Variants in PHEX observed in about 807,000 individuals in gnomAD.
PHEX encodes phosphate regulating endopeptidase X-linked.
Under a neutral mutation model 68.0 loss-of-function variants are expected in PHEX, and 16 were observed. That is an observed-to-expected ratio of 0.24 (90% CI 0.16 to 0.36). PHEX has a LOEUF of 0.36. PHEX is among the 10% of genes least tolerant of loss of function. The probability of loss-of-function intolerance (pLI) is 1.00; values close to 1 mark genes in which losing one functional copy is unlikely to be tolerated. For missense variants in PHEX, 480 were observed against 575.5 expected (o/e 0.83, Z 1.70); for synonymous variants, 208 against 205.1 (o/e 1.01, Z -0.12).
intron 12 of PHEX, among the ~76,000 whole-genome samples, chrX:22,152,712 G>T (rs764341734): frequency 1.8e-5 from 2 of 111,942 alleles, no homozygotes; most frequent in Non-Finnish European, 3.8e-5. Context: ...CAGGATAGCG[G>T]TTCTTTTGAA....
At chrX:22,073,670 C>T (rs1371181600) in intron 3 of PHEX, among the ~76,000 whole-genome samples, 2 of 66,588 alleles carry the variant, frequency 3.0e-5, no homozygotes, top group East Asian at 5.5e-4. Context: ...TTTGGAAACA[C>T]ACTTTGTCGC....
intron 13 of PHEX, among the ~76,000 whole-genome samples, chrX:22,178,060 A>G (rs923861492): frequency 1.8e-5 from 2 of 112,329 alleles, no homozygotes; most frequent in African/African-American, 6.5e-5. Context: ...TGATCCAGAA[A>G]TGACTATATT....
chrX:22,142,497 C>T (rs150913895), intron 12 of PHEX, among the ~76,000 whole-genome samples: 260 of 111,980 alleles, frequency 2.3e-3, no homozygotes, highest in Non-Finnish European at 3.9e-3. Context: ...GTTTCTATGT[C>T]GTTCATAACT....
At chrX:22,197,208 G>C (rs1036328582) in intron 15 of PHEX, among the ~76,000 whole-genome samples, 2 of 111,117 alleles carry the variant, frequency 1.8e-5, no homozygotes, top group African/African-American at 6.6e-5. Flanking sequence ...CTGACACTCA[G>C]AGCAATTCTT....
chrX:22,080,722 A>G (rs2063623395), intron 5 of PHEX, among the ~76,000 whole-genome samples: 1 of 97,564 alleles, frequency 1.0e-5, no homozygotes, highest in Non-Finnish European at 2.1e-5. Context: ...GTATAGTTAA[A>G]AAACAAACAA....
At chrX:22,146,591 C>T (rs965722333) in intron 12 of PHEX, among the ~76,000 whole-genome samples, 19 of 111,321 alleles carry the variant, frequency 1.7e-4, no homozygotes, top group Admixed American at 9.6e-4. Context: ...CTGAGGCAGG[C>T]GGATCACTTG....
chrX:22,093,818 G>C (rs1930009155), intron 6 of PHEX, among the ~76,000 whole-genome samples, 165 bp from the exon 7 acceptor site: 1 of 112,116 alleles, frequency 8.9e-6, no homozygotes. Flanking sequence ...CTCCCAAAGT[G>C]TTATATGGGT....
At chrX:22,133,205 G>C (rs936269458) in intron 11 of PHEX, among the ~76,000 whole-genome samples, 2 of 111,497 alleles carry the variant, frequency 1.8e-5, no homozygotes, top group Non-Finnish European at 3.8e-5. Context: ...ATTTTTGGTA[G>C]AGATGGGGTT....
intron 12 of PHEX, among the ~76,000 whole-genome samples, chrX:22,151,044 C>T (rs899263584): frequency 1.8e-5 from 2 of 112,008 alleles, no homozygotes; most frequent in African/African-American, 3.3e-5. Context: ...CTGCATTTTA[C>T]AACTCATCTC....
intron 12 of PHEX, among the ~76,000 whole-genome samples, chrX:22,133,978 G>A (rs1437622494): frequency 9.0e-6 from 1 of 111,702 alleles, no homozygotes; most frequent in Non-Finnish European, 1.9e-5. Flanking sequence ...GGAGCAGCTG[G>A]AACAAGAGCC....
chrX:22,231,982 T>C (rs936006052), intron 20 of PHEX, among the ~76,000 whole-genome samples: 1 of 112,069 alleles, frequency 8.9e-6, no homozygotes, highest in African/African-American at 3.2e-5. Context: ...TTGTTCTCAC[T>C]GGTTTCAAAG....
In PHEX at chrX:22,111,541, G is replaced by A. The variant is rs373233283; in HGVS notation, c.1154G>A (p.Arg385Lys). 5.8e-6 allele frequency: 7 copies of A among 1,197,638 alleles called. No individual in the cohort carries two copies. In the African/African-American group the frequency reaches 1.2e-4, roughly 21 times the overall value. The change falls in exon 10 of 22, where the codon AGA (arginine) becomes AAA (lysine). Residue 385 changes from arginine to lysine, a missense_variant. Arg to Lys is a conservative substitution (Grantham distance 26). Coordinates refer to ENST00000379374, the MANE Select transcript of PHEX (RefSeq NM_000444.6). ...AACCTTAGCAGGCGCTTTCAGTATA[G>A]ATGGCTGGAATTCTCAAGGGTAAGT... Reference protein sequence around the residue: ...IPNLSRRFQYRWLEFSRVIQG... With the variant: ...IPNLSRRFQYKWLEFSRVIQG...
intron 15 of PHEX, among the ~76,000 whole-genome samples, chrX:22,210,825 T>C (rs145485359): frequency 0.014 from 1,526 of 111,055 alleles, 23 homozygotes; most frequent in African/African-American, 0.047. Context: ...AACTACGATA[T>C]TATTAATAAA....
intron 2 of PHEX, among the ~76,000 whole-genome samples, chrX:22,042,979 T>G (rs1200984412): frequency 5.3e-5 from 6 of 112,648 alleles, no homozygotes; most frequent in Non-Finnish European, 9.4e-5. Context: ...TTAACTCATG[T>G]GAGGCTGCTT....
intron 15 of PHEX, among the ~76,000 whole-genome samples, chrX:22,211,810 A>G (rs762322286): frequency 8.9e-6 from 1 of 112,476 alleles, no homozygotes; most frequent in South Asian, 3.7e-4. Context: ...ATTATCGTGG[A>G]AGATAAAAGA....
At position 22,097,709 on chromosome X, in the gene PHEX, A is replaced by G. The variant is rs1022988651; in HGVS notation, c.933+671A>G. On this transcript the variant is annotated intron_variant, in intron 8 of 21. Coordinates refer to ENST00000379374, the MANE Select transcript of PHEX (RefSeq NM_000444.6). The stretch of plus-strand genomic sequence containing the variant: ...GAGTAGCCAATCTAAAAAACACCAT[A>G]TGGTGTTTTAGGTAGGATAGGGATG... The G allele has an allele frequency of 2.9e-6, 2 of 700,935 alleles. 1 individual carries two copies. Among genetic ancestry groups the G allele is most frequent in the South Asian group, 1.5e-4 (2 of 13,575 alleles). The allele number at this position is 700,935 out of a possible 1,213,427, so 57.8% of individuals were successfully genotyped here.
At chrX:22,218,715 C>G (rs1203554694) in intron 16 of PHEX, among the ~76,000 whole-genome samples, 1 of 111,936 alleles carries the variant, frequency 8.9e-6, no homozygotes, top group African/African-American at 3.2e-5. Flanking sequence ...ATAGCTATAG[C>G]AGATAAAAAA....
At chrX:22,044,036 C>A (rs111633085) in intron 2 of PHEX, among the ~76,000 whole-genome samples, 2 of 111,382 alleles carry the variant, frequency 1.8e-5, no homozygotes, top group African/African-American at 6.5e-5. Flanking sequence ...TTTTCTCACT[C>A]AGCAGGCTTC....
intron 14 of PHEX, among the ~76,000 whole-genome samples, chrX:22,187,379 C>T (rs990864478): frequency 8.9e-6 from 1 of 111,741 alleles, no homozygotes; most frequent in African/African-American, 3.3e-5. Flanking sequence ...TTGCCCATTG[C>T]CCCTACATCT....
Sources: gnomAD v4.1 joint callset for allele counts (sites outside exome capture counted in the v4.1 genomes callset) on GRCh38, gnomAD v4.1.1 for gene constraint, MANE v1.5 for transcripts, NCBI Gene and HGNC (gene_info 2026-07-23, HGNC 2026-07-21) for gene names.